Variants in APP observed in about 807,000 individuals in gnomAD.
APP encodes amyloid beta precursor protein, also known as amyloid-beta precursor protein.
A neutral mutation model predicts 101.4 loss-of-function variants in APP; 31 were observed. That is an observed-to-expected ratio of 0.31 (90% CI 0.23 to 0.41). APP has a LOEUF of 0.41. Ranked by LOEUF, APP falls within the 10% of genes least tolerant of loss-of-function variation. The pLI is 1.00. For synonymous variants in APP, 366 were observed against 364.4 expected, an observed-to-expected ratio of 1.00 and a Z score of -0.05; for missense variants, 839 against 1,003.7, an observed-to-expected ratio of 0.84 and a Z score of 2.22.
intron 13 of APP, among the ~76,000 whole-genome samples, chr21:25,915,788 G>C (rs959972227): frequency 2.6e-5 from 4 of 152,202 alleles, no homozygotes; most frequent in African/African-American, 9.7e-5. Flanking sequence ...GGGAGGTTGA[G>C]GTACGCTGTA....
At chr21:26,127,956 C>G (rs1202786880) in intron 1 of APP, among the ~76,000 whole-genome samples, 1 of 152,176 alleles carries the variant, frequency 6.6e-6, no homozygotes, top group Non-Finnish European at 1.5e-5. Context: ...TTTGAAATCT[C>G]CTGCGAGCTA....
At chr21:26,143,452 G>T (rs1213264396) in intron 1 of APP, among the ~76,000 whole-genome samples, 1 of 152,188 alleles carries the variant, frequency 6.6e-6, no homozygotes, top group Non-Finnish European at 1.5e-5. Flanking sequence ...CAAAAATTAT[G>T]TATATTCAAT....
intron 1 of APP, among the ~76,000 whole-genome samples, chr21:26,113,356 C>T (rs1425232103): frequency 1.3e-5 from 2 of 152,168 alleles, no homozygotes; most frequent in African/African-American, 2.4e-5. Flanking sequence ...AGAAATGAAA[C>T]AGTTTCCAAA....
chr21:25,980,952 A>G (rs948874229), intron 9 of APP, among the ~76,000 whole-genome samples: 45 of 152,328 alleles, frequency 3.0e-4, no homozygotes, highest in Non-Finnish European at 1.5e-4. Flanking sequence ...TGAGCGAAGC[A>G]GGGTAGGCGG....
intron 5 of APP, among the ~76,000 whole-genome samples, chr21:26,045,386 T>G (rs920717837): frequency 1.3e-5 from 2 of 152,224 alleles, no homozygotes; most frequent in Non-Finnish European, 2.9e-5. Context: ...GGCAGGTGAT[T>G]AGCAGCTAGC....
At chr21:26,155,213 G>A (rs2063350568) in intron 1 of APP, among the ~76,000 whole-genome samples, 2 of 152,172 alleles carry the variant, frequency 1.3e-5, no homozygotes, top group African/African-American at 2.4e-5. Context: ...ATTGCAATGA[G>A]CAAGCTAGAT....
chr21:25,921,044 C>A (rs1314245149), intron 13 of APP, among the ~76,000 whole-genome samples: 2 of 146,678 alleles, frequency 1.4e-5, no homozygotes, highest in African/African-American at 5.3e-5. Context: ...GACCACAGTG[C>A]AATCAAACTA....
At chr21:25,927,698 C>T (rs1163877250) in intron 13 of APP, among the ~76,000 whole-genome samples, 2 of 152,038 alleles carry the variant, frequency 1.3e-5, no homozygotes, top group African/African-American at 4.8e-5. Flanking sequence ...CTGGAAGGGA[C>T]ACAAACAAAG....
chr21:25,984,087 T>C (rs901120393), intron 8 of APP, among the ~76,000 whole-genome samples: 2 of 152,172 alleles, frequency 1.3e-5, no homozygotes, highest in African/African-American at 4.8e-5. Flanking sequence ...TGACACACAG[T>C]GGAGCTCATA....
chr21:26,001,272 G>C (rs2043282480), intron 6 of APP, among the ~76,000 whole-genome samples: 1 of 152,054 alleles, frequency 6.6e-6, no homozygotes, highest in Non-Finnish European at 1.5e-5. Flanking sequence ...CCATCCAATT[G>C]CATGTATAAA....
chr21:25,973,348 A>G (rs960362693), intron 11 of APP, among the ~76,000 whole-genome samples: 2 of 152,212 alleles, frequency 1.3e-5, no homozygotes, highest in African/African-American at 2.4e-5. Flanking sequence ...TTCAAATATA[A>G]AGACAAACAA....
intron 13 of APP, among the ~76,000 whole-genome samples, chr21:25,918,952 C>T (rs1424506566): frequency 8.2e-5 from 10 of 122,338 alleles, no homozygotes; most frequent in African/African-American, 3.2e-4. Flanking sequence ...AAAAAGACAG[C>T]AGTAACCTCT....
At chr21:25,886,301 T>C (rs1044404051) in intron 17 of APP, among the ~76,000 whole-genome samples, 1 of 152,118 alleles carries the variant, frequency 6.6e-6, no homozygotes, top group East Asian at 1.9e-4. Context: ...GCCATCTCTC[T>C]ATAGTTATAT....
intron 3 of APP, among the ~76,000 whole-genome samples, chr21:26,063,008 C>T (rs970525159): frequency 4.6e-5 from 7 of 152,186 alleles, no homozygotes; most frequent in Non-Finnish European, 1.0e-4. Flanking sequence ...AAGCAATCCA[C>T]CTGCCTCAGC....
chr21:26,112,035 A>C lies in APP; in HGVS notation c.169T>G (p.Ser57Ala). The C allele has an allele frequency of 7.4e-6, 12 of 1,614,136 alleles. No homozygotes were observed. Among genetic ancestry groups the C allele is most frequent in the Non-Finnish European group, 1.0e-5 (12 of 1,180,022 alleles). Residue 57 changes from serine to alanine, a missense_variant, in exon 2 of 18, where the codon TCA (serine) becomes GCA (alanine). Transcript: ENST00000346798. ...VQNGKWDSDP[S>A]GTKTCIDTKE... ...GTATCAATGCAGGTTTTGGTCCCTGATGGATCTGAATCCCACTTCCCATTC... is the reference window on the plus strand; with the variant it reads ...GTATCAATGCAGGTTTTGGTCCCTGCTGGATCTGAATCCCACTTCCCATTC...
intron 5 of APP, among the ~76,000 whole-genome samples, chr21:26,030,818 G>A (rs1318894852): frequency 6.6e-6 from 1 of 152,192 alleles, no homozygotes; most frequent in Non-Finnish European, 1.5e-5. Flanking sequence ...TGCTACTAAG[G>A]ATGGGTGATC....
intron 5 of APP, among the ~76,000 whole-genome samples, chr21:26,039,602 C>T (rs755160096): frequency 1.1e-4 from 17 of 152,232 alleles, no homozygotes; most frequent in Admixed American, 3.3e-4. Context: ...TCCACAGGCA[C>T]GTGTGGCCTA....
At chr21:26,126,279 A>G (rs1212379681) in intron 1 of APP, among the ~76,000 whole-genome samples, 1 of 152,248 alleles carries the variant, frequency 6.6e-6, no homozygotes, top group Non-Finnish European at 1.5e-5. Context: ...TAATTAGAAT[A>G]GAAGTGCCTC....
At chr21:26,166,332 T>C (rs1222937643) in intron 1 of APP, among the ~76,000 whole-genome samples, 1 of 152,196 alleles carries the variant, frequency 6.6e-6, no homozygotes, top group Non-Finnish European at 1.5e-5. Context: ...GAGGGTGTTA[T>C]CTGTACACTG....
Sources: allele counts gnomAD v4.1 joint callset (sites outside exome capture counted in the v4.1 genomes callset), GRCh38; gene constraint gnomAD v4.1.1; transcripts MANE v1.5; gene names NCBI Gene and HGNC (gene_info 2026-07-23, HGNC 2026-07-21).